The following NAALADL2 variants were observed in gnomAD, a reference collection of about 807,000 sequenced individuals.
NAALADL2 encodes the protein inactive N-acetylated-alpha-linked acidic dipeptidase-like protein 2.
Under a neutral mutation model 87.2 loss-of-function variants are expected in NAALADL2, and 76 were observed. The ratio of observed to expected loss-of-function variants is 0.87; its 90% CI spans 0.72 to 1.05. The LOEUF (loss-of-function observed/expected upper bound fraction) is 1.05. NAALADL2 is among the 50% of genes least tolerant of loss of function. The probability of loss-of-function intolerance (pLI) is 0.00; values close to 1 mark genes in which losing one functional copy is unlikely to be tolerated. For synonymous variants in NAALADL2, 354 were observed against 331.0 expected (o/e 1.07, Z -0.75); for missense variants, 1,089 against 945.8 (o/e 1.15, Z -1.99).
chr3:174,820,890 A>G (rs1721348405), intron 3 of NAALADL2, among the ~76,000 whole-genome samples: 1 of 152,124 alleles, frequency 6.6e-6, no homozygotes, highest in Non-Finnish European at 1.5e-5. Context: ...TGCATTTGAA[A>G]TTTTGTGTTA....
intron 2 of NAALADL2, among the ~76,000 whole-genome samples, chr3:174,559,181 A>G (rs1053848256): frequency 6.6e-6 from 1 of 152,134 alleles, no homozygotes; most frequent in Non-Finnish European, 1.5e-5. Context: ...CTTAATCCCA[A>G]AGAGGAAACT....
At chr3:174,561,781 T>C (rs1713649016) in intron 2 of NAALADL2, among the ~76,000 whole-genome samples, 1 of 152,188 alleles carries the variant, frequency 6.6e-6, no homozygotes, top group Non-Finnish European at 1.5e-5. Context: ...ATGTGTTCAA[T>C]TACTTTTACA....
chr3:174,831,116 C>A (rs1409572890), intron 3 of NAALADL2, among the ~76,000 whole-genome samples: 1 of 151,388 alleles, frequency 6.6e-6, no homozygotes, highest in Non-Finnish European at 1.5e-5. Context: ...TCCTGCCTAA[C>A]TGCCCTGGCC....
At chr3:174,558,748 A>G (rs184970065) in intron 2 of NAALADL2, among the ~76,000 whole-genome samples, 7 of 152,162 alleles carry the variant, frequency 4.6e-5, no homozygotes, top group South Asian at 4.2e-4. Context: ...CAGGCCATGG[A>G]CTGATCCTGG....
At chr3:174,841,372 A>G (rs147093376) in intron 3 of NAALADL2, among the ~76,000 whole-genome samples, 1 of 152,302 alleles carries the variant, frequency 6.6e-6, no homozygotes, top group Admixed American at 6.5e-5. Flanking sequence ...CCTCAGCTTC[A>G]CCTTAGTACA....
upstream of NAALADL2, among the ~76,000 whole-genome samples, chr3:174,855,739 A>T (rs1030677388): frequency 1.4e-4 from 20 of 148,118 alleles, no homozygotes; most frequent in Non-Finnish European, 2.5e-4. Flanking sequence ...ACTACTTTTA[A>T]AGTGTCTTTG....
intron 2 of NAALADL2, among the ~76,000 whole-genome samples, chr3:175,123,368 G>C (rs1349483240): frequency 6.6e-6 from 1 of 151,922 alleles, no homozygotes; most frequent in Non-Finnish European, 1.5e-5. Flanking sequence ...CCCAAGTCAT[G>C]ATTTCTGTCA....
At chr3:174,692,207 A>C (rs1230813190) in intron 2 of NAALADL2, among the ~76,000 whole-genome samples, 1 of 152,196 alleles carries the variant, frequency 6.6e-6, no homozygotes, top group African/African-American at 2.4e-5. Flanking sequence ...TTAAACAATA[A>C]GACTTGAAAT....
chr3:175,785,590 G>C (rs1290811208), intron 13 of NAALADL2, among the ~76,000 whole-genome samples: 1 of 139,180 alleles, frequency 7.2e-6, no homozygotes, highest in Non-Finnish European at 1.5e-5. Context: ...TTTTGAGCCT[G>C]TGTGTGTCTC....
At chr3:174,719,925 C>T (rs1053319086) in intron 2 of NAALADL2, among the ~76,000 whole-genome samples, 3 of 152,156 alleles carry the variant, frequency 2.0e-5, no homozygotes. Flanking sequence ...CCTCAGCCTC[C>T]TGAGTAGCTG....
chr3:174,676,399 T>G (rs762818978), intron 2 of NAALADL2, among the ~76,000 whole-genome samples: 57 of 134,446 alleles, frequency 4.2e-4, no homozygotes, highest in Non-Finnish European at 8.2e-4. Flanking sequence ...TAGCCAGTAT[T>G]CTATGTGAGC....
intron 13 of NAALADL2, among the ~76,000 whole-genome samples, chr3:175,779,789 C>A (rs1750762552): frequency 6.6e-6 from 1 of 152,144 alleles, no homozygotes; most frequent in Non-Finnish European, 1.5e-5. Flanking sequence ...TTTCTATCTT[C>A]ACTTTCCTGC....
chr3:175,148,480 G>C (rs1462911529), intron 2 of NAALADL2, among the ~76,000 whole-genome samples: 2 of 152,010 alleles, frequency 1.3e-5, no homozygotes, highest in Non-Finnish European at 2.9e-5. Context: ...TTTTGATGCA[G>C]TTACTTTGGA....
chr3:175,366,372 C>T (rs1418782082), intron 5 of NAALADL2, among the ~76,000 whole-genome samples: 10 of 151,604 alleles, frequency 6.6e-5, no homozygotes, highest in African/African-American at 2.4e-4. Context: ...GGGTATATAC[C>T]CAGTAATGGG....
intron 2 of NAALADL2, among the ~76,000 whole-genome samples, chr3:174,642,492 C>T (rs1723303780): frequency 7.4e-6 from 1 of 134,898 alleles, no homozygotes; most frequent in Non-Finnish European, 1.5e-5. Flanking sequence ...TAGAGCAAGA[C>T]TCAGTCTCTG....
chr3:175,465,853 T>C (rs1723938875), intron 7 of NAALADL2, among the ~76,000 whole-genome samples: 1 of 152,216 alleles, frequency 6.6e-6, no homozygotes, highest in Admixed American at 6.5e-5. Flanking sequence ...CTGTGGCATT[T>C]CTTGTAAGGT....
chr3:175,202,143 C>T (rs1740139093), intron 2 of NAALADL2, among the ~76,000 whole-genome samples: 1 of 152,112 alleles, frequency 6.6e-6, no homozygotes, highest in Non-Finnish European at 1.5e-5. Context: ...GCCAATCTGG[C>T]CCAAAATTCA....
At chr3:174,797,364 T>A (rs1479651510) in intron 3 of NAALADL2, among the ~76,000 whole-genome samples, 4 of 135,434 alleles carry the variant, frequency 3.0e-5, no homozygotes, top group African/African-American at 1.1e-4. Context: ...CAGGCTGGAG[T>A]GCAATGGCGT....
At chr3:175,497,021 A>C (rs1205837074) in intron 9 of NAALADL2, among the ~76,000 whole-genome samples, 1 of 152,176 alleles carries the variant, frequency 6.6e-6, no homozygotes, top group Admixed American at 6.6e-5. Context: ...GTTCAAGATC[A>C]CACAGACTGT....
Sources: allele counts gnomAD v4.1 joint callset (sites outside exome capture counted in the v4.1 genomes callset), GRCh38; gene constraint gnomAD v4.1.1; transcripts MANE v1.5; gene names NCBI Gene and HGNC (gene_info 2026-07-23, HGNC 2026-07-21).